Variants in NAALADL2 observed in about 807,000 individuals in gnomAD.
NAALADL2 encodes the protein N-acetylated alpha-linked acidic dipeptidase like 2, also known as inactive N-acetylated-alpha-linked acidic dipeptidase-like protein 2.
Under a neutral mutation model 87.2 loss-of-function variants are expected in NAALADL2, and 76 were observed. The ratio of observed to expected loss-of-function variants is 0.87; its 90% CI spans 0.72 to 1.05. NAALADL2 has a LOEUF of 1.05. NAALADL2 is among the 50% of genes least tolerant of loss of function. The pLI is 0.00. For missense variants in NAALADL2, 1,089 were observed against 945.8 expected (o/e 1.15, Z -1.99); for synonymous variants, 354 against 331.0 (o/e 1.07, Z -0.75).
intron 2 of NAALADL2, among the ~76,000 whole-genome samples, chr3:175,193,228 A>G (rs1286944024): frequency 1.3e-5 from 2 of 150,672 alleles, no homozygotes; most frequent in Non-Finnish European, 3.0e-5. Flanking sequence ...TTTTTTTTTC[A>G]AATTATTTAC....
In NAALADL2 at chr3:174,744,966, A is replaced by T. The variant is rs574893882; in HGVS notation, c.-9+7220A>T. Among the ~76,000 whole-genome samples, 431 of 152,292 alleles carry T rather than the reference A, an allele frequency of 2.8e-3. 2 individuals are homozygous for T. The highest frequency in any genetic ancestry group is 1.0e-2 in the African/African-American group (415 of 41,560). Reference sequence around the variant, plus strand: ...TAAAGGAGTGTTAAGAGGGAAATTTATAGCACTAAATGCCCACATCAGAAA... The same window carrying T: ...TAAAGGAGTGTTAAGAGGGAAATTTTTAGCACTAAATGCCCACATCAGAAA... On this transcript the variant is annotated intron_variant, in intron 3 of 3. Transcript: ENST00000434257.
At chr3:175,730,252 A>G (rs982776856) in intron 11 of NAALADL2, among the ~76,000 whole-genome samples, 2 of 151,272 alleles carry the variant, frequency 1.3e-5, no homozygotes, top group Admixed American at 6.6e-5. Flanking sequence ...TTCTTTCTAC[A>G]TTGGTCTGGT....
Position 175,007,764 on chromosome 3 carries a change from C to T in NAALADL2, c.44-89026C>T, listed in dbSNP as rs111887438. 1.1e-3 allele frequency among the ~76,000 whole-genome samples: 160 copies of T among 152,008 alleles called. 1 individual carries two copies. Among genetic ancestry groups the T allele is most frequent in the East Asian group, 7.3e-3 (38 of 5,178 alleles). On this transcript the variant is annotated intron_variant, in intron 1 of 13. Coordinates refer to ENST00000454872, the MANE Select transcript of NAALADL2 (RefSeq NM_207015.3). The stretch of plus-strand genomic sequence containing the variant: ...CTACAAAAATATTTAATTTATACTA[C>T]GAAAAGGTTTAATTTATAAATTAGG...
chr3:174,609,846 G>T (rs375044282), intron 2 of NAALADL2, among the ~76,000 whole-genome samples: 5 of 152,028 alleles, frequency 3.3e-5, no homozygotes, highest in Admixed American at 6.6e-5. Flanking sequence ...AAAAGAGCCC[G>T]CATCGCCAAG....
At chr3:174,932,695 A>G (rs1264364340) in intron 1 of NAALADL2, among the ~76,000 whole-genome samples, 2 of 152,220 alleles carry the variant, frequency 1.3e-5, no homozygotes, top group African/African-American at 4.8e-5. Context: ...TTCTTCATTT[A>G]TGGTGAACTT....
At chr3:174,997,565 C>T (rs772081559) in intron 1 of NAALADL2, among the ~76,000 whole-genome samples, 4 of 152,118 alleles carry the variant, frequency 2.6e-5, no homozygotes, top group Admixed American at 6.6e-5. Context: ...TGGCTCATGC[C>T]TGTAATCCTA....
chr3:175,385,348 GA>G (rs1768250615), intron 5 of NAALADL2, among the ~76,000 whole-genome samples: 1 of 152,058 alleles, frequency 6.6e-6, no homozygotes, highest in Non-Finnish European at 1.5e-5. Flanking sequence ...ATTCCATTGT[GA>G]AATTGTTATT....
At chr3:174,455,005 G>T (rs990330274) in intron 1 of NAALADL2, among the ~76,000 whole-genome samples, 53 of 150,334 alleles carry the variant, frequency 3.5e-4, no homozygotes, top group African/African-American at 1.3e-3. Context: ...ACTAATAAGA[G>T]AGAAGATACA....
At chr3:175,377,722 G>T (rs1767314631) in intron 5 of NAALADL2, among the ~76,000 whole-genome samples, 1 of 152,094 alleles carries the variant, frequency 6.6e-6, no homozygotes, top group Non-Finnish European at 1.5e-5. Context: ...GTCTATAAAA[G>T]CCCCAGAATC....
chr3:174,775,223 A>G (rs1400799557), intron 3 of NAALADL2, among the ~76,000 whole-genome samples: 1 of 151,214 alleles, frequency 6.6e-6, no homozygotes, highest in Non-Finnish European at 1.5e-5. Flanking sequence ...TGCAACCATT[A>G]TAACAATTTA....
At chr3:174,844,863 G>A (rs869310093) in intron 3 of NAALADL2, among the ~76,000 whole-genome samples, 1 of 14,562 alleles carries the variant, frequency 6.9e-5, no homozygotes, top group Admixed American at 7.9e-4. Flanking sequence ...TTTTTTTTTT[G>A]GGGGAGTCTT....
intron 1 of NAALADL2, among the ~76,000 whole-genome samples, chr3:174,470,879 T>C (rs1477789745): frequency 4.6e-5 from 7 of 152,202 alleles, no homozygotes; most frequent in Admixed American, 4.6e-4. Context: ...CATTAATTGA[T>C]TCTGTAATTT....
intron 2 of NAALADL2, among the ~76,000 whole-genome samples, chr3:174,639,863 G>C (rs959438083): frequency 1.7e-4 from 26 of 152,094 alleles, no homozygotes; most frequent in Non-Finnish European, 3.5e-4. Context: ...ATAATAATTT[G>C]ATACCAACTA....
intron 2 of NAALADL2, among the ~76,000 whole-genome samples, chr3:175,223,290 AC>A (rs1743668502): frequency 6.8e-6 from 1 of 147,766 alleles, no homozygotes; most frequent in Non-Finnish European, 1.5e-5. Flanking sequence ...ACCACCATAT[AC>A]CCCTACCTCC....
At chr3:175,528,493 G>C (rs937436238) in intron 9 of NAALADL2, among the ~76,000 whole-genome samples, 3 of 151,442 alleles carry the variant, frequency 2.0e-5, no homozygotes, top group African/African-American at 7.3e-5. Context: ...AATCTTCTTT[G>C]GTAGCACCCT....
chr3:174,685,402 T>C (rs986942434), intron 2 of NAALADL2, among the ~76,000 whole-genome samples: 5 of 152,144 alleles, frequency 3.3e-5, no homozygotes, highest in African/African-American at 1.2e-4. Flanking sequence ...CTCTACCAAT[T>C]CTTACCACCA....
intron 1 of NAALADL2, among the ~76,000 whole-genome samples, chr3:174,883,536 T>C (rs1034520900): frequency 2.0e-5 from 3 of 152,200 alleles, no homozygotes; most frequent in Non-Finnish European, 2.9e-5. Flanking sequence ...ATAAATCTTA[T>C]GTCACATGAT....
Position 174,546,144 on chromosome 3 carries a change from A to G in NAALADL2, c.-183-4425A>G, listed in dbSNP as rs374650530. Among the ~76,000 whole-genome samples, 41 of 152,230 alleles carry G rather than the reference A, an allele frequency of 2.7e-4. No homozygotes were observed. In the East Asian group the frequency reaches 6.8e-3, roughly 25 times the overall value. ...GTTTTTTGGTGGGTTTCACTATGAA[A>G]TGATGAGGAGAGGCCTTTCCATTTT... On this transcript the variant is annotated intron_variant, in intron 1 of 3. Transcript: ENST00000434257.
At position 174,731,230 on chromosome 3, in the gene NAALADL2, A is replaced by G. The variant is rs1732676445; in HGVS notation, c.-114-6411A>G. 2.0e-5 allele frequency among the ~76,000 whole-genome samples: 3 copies of G among 152,236 alleles called. No individual in the cohort carries two copies. In the South Asian group the frequency reaches 6.2e-4, roughly 32 times the overall value. ...TGCTGCCTCTCCTGTGTCCCTGCTG[A>G]GAAGCATTGTGCAAAGGTTTGTCTT... On this transcript the variant is annotated intron_variant, in intron 2 of 3. Coordinates refer to the NAALADL2 transcript ENST00000434257.
Sources: gnomAD v4.1 joint callset for allele counts (sites outside exome capture counted in the v4.1 genomes callset) on GRCh38, gnomAD v4.1.1 for gene constraint, MANE v1.5 for transcripts, NCBI Gene and HGNC (gene_info 2026-07-23, HGNC 2026-07-21) for gene names.